The following PCDH15 variants were observed in gnomAD, a reference collection of about 807,000 sequenced individuals.
PCDH15 encodes the protein protocadherin-15.
In PCDH15, 129 loss-of-function variants were observed where a neutral mutation model predicts 178.5. That is an observed-to-expected ratio of 0.72 (90% confidence interval 0.63 to 0.84). The LOEUF is 0.84. Ranked by LOEUF, PCDH15 falls within the 40% of genes least tolerant of loss-of-function variation. The pLI is 0.00. For missense variants in PCDH15, 2,230 were observed against 2,099.9 expected (o/e 1.06, Z -1.21); for synonymous variants, 800 against 732.0 (o/e 1.09, Z -1.50).
At chr10:54,627,854 A>T (rs2134611369) in intron 2 of PCDH15, among the ~76,000 whole-genome samples, 1 of 152,308 alleles carries the variant, frequency 6.6e-6, no homozygotes, top group South Asian at 2.1e-4. Flanking sequence ...CTCACAGGCC[A>T]AGGTTAAGTC....
At chr10:55,187,838 T>C (rs561901432) in intron 1 of PCDH15, among the ~76,000 whole-genome samples, 1 of 152,158 alleles carries the variant, frequency 6.6e-6, no homozygotes, top group South Asian at 2.1e-4. Flanking sequence ...AAAAATATGG[T>C]AATTCCAGAT....
intron 3 of PCDH15, among the ~76,000 whole-genome samples, chr10:54,475,075 A>G (rs1001853694): frequency 3.3e-5 from 5 of 151,904 alleles, no homozygotes; most frequent in Non-Finnish European, 5.9e-5. Flanking sequence ...TAATTGGGCT[A>G]CTTACAACAA....
chr10:54,926,029 T>G (rs932942061), intron 2 of PCDH15, among the ~76,000 whole-genome samples: 1 of 152,150 alleles, frequency 6.6e-6, no homozygotes, highest in Admixed American at 6.6e-5. Flanking sequence ...TTGTGCCAGT[T>G]TTCAAAGAGA....
At chr10:54,387,625 T>A (rs905838380) in intron 3 of PCDH15, among the ~76,000 whole-genome samples, 2 of 152,208 alleles carry the variant, frequency 1.3e-5, no homozygotes, top group African/African-American at 4.8e-5. Context: ...AAACTCACCA[T>A]ATCACCACAT....
At chr10:54,417,814 CTA>C (rs1415439552) in intron 3 of PCDH15, among the ~76,000 whole-genome samples, 1 of 152,124 alleles carries the variant, frequency 6.6e-6, no homozygotes, top group Non-Finnish European at 1.5e-5. Context: ...ATTCACAATG[CTA>C]TGACTGTATT....
intron 2 of PCDH15, among the ~76,000 whole-genome samples, chr10:55,606,324 A>G (rs906956785): frequency 3.1e-5 from 4 of 130,592 alleles, no homozygotes; most frequent in African/African-American, 9.0e-5. Flanking sequence ...ATACTGCCCA[A>G]GGTAATTTAC....
chr10:54,548,107 A>G (rs2086077040), intron 2 of PCDH15, among the ~76,000 whole-genome samples: 1 of 147,424 alleles, frequency 6.8e-6, no homozygotes, highest in Admixed American at 6.8e-5. Context: ...TCTCAAAAAA[A>G]AAAAACCAAA....
At chr10:54,202,900 T>C (rs763053611) in intron 10 of PCDH15, among the ~76,000 whole-genome samples, 12 of 152,034 alleles carry the variant, frequency 7.9e-5, no homozygotes, top group Non-Finnish European at 4.4e-5. Flanking sequence ...GGAATCTCCA[T>C]TTTTATCAAA....
intron 1 of PCDH15, among the ~76,000 whole-genome samples, chr10:55,261,701 C>T (rs866853075): frequency 1.4e-4 from 21 of 152,182 alleles, no homozygotes; most frequent in African/African-American, 5.1e-4. Context: ...TTCAAAAGTT[C>T]AAACAAATTT....
chr10:54,196,184 C>T (rs1305467754), intron 10 of PCDH15, among the ~76,000 whole-genome samples: 5 of 151,988 alleles, frequency 3.3e-5, no homozygotes, highest in African/African-American at 1.2e-4. Flanking sequence ...GCTCTGTCGC[C>T]CAGGCTGGAG....
chr10:53,953,724 A>G (rs1319437923), intron 23 of PCDH15, among the ~76,000 whole-genome samples: 1 of 152,132 alleles, frequency 6.6e-6, no homozygotes, highest in African/African-American at 2.4e-5. Context: ...TTCTTCAATA[A>G]TTTTCAAACT....
chr10:54,572,944 G>C (rs555537768), intron 2 of PCDH15, among the ~76,000 whole-genome samples: 1 of 152,192 alleles, frequency 6.6e-6, no homozygotes, highest in South Asian at 2.1e-4. Flanking sequence ...TTGTATCCTT[G>C]AGGAAATCAC....
chr10:55,107,744 C>G (rs958766678), intron 2 of PCDH15, among the ~76,000 whole-genome samples: 1 of 151,874 alleles, frequency 6.6e-6, no homozygotes. Flanking sequence ...ACCCCCACCC[C>G]CCTCAGCCTC....
chr10:55,082,623 T>C (rs1842071734), intron 2 of PCDH15, among the ~76,000 whole-genome samples: 1 of 143,590 alleles, frequency 7.0e-6, no homozygotes, highest in South Asian at 2.2e-4. Flanking sequence ...AAAAGAAAAG[T>C]TGCTTTTTAA....
chr10:54,559,741 C>T (rs186366490), intron 2 of PCDH15, among the ~76,000 whole-genome samples: 1 of 147,308 alleles, frequency 6.8e-6, no homozygotes, highest in Admixed American at 7.0e-5. Context: ...GAAAACAAAA[C>T]AAGCATGCTT....
chr10:54,624,260 T>C (rs970823878), intron 2 of PCDH15, among the ~76,000 whole-genome samples: 2 of 152,170 alleles, frequency 1.3e-5, no homozygotes, highest in African/African-American at 2.4e-5. Flanking sequence ...ATTTGCAGTT[T>C]ATAGTGCAGG....
intron 3 of PCDH15, among the ~76,000 whole-genome samples, chr10:54,818,480 G>A (rs1219267186): frequency 6.6e-6 from 1 of 151,944 alleles, no homozygotes; most frequent in Non-Finnish European, 1.5e-5. Flanking sequence ...TGAATCCAGA[G>A]GAAGTGACTG....
At chr10:54,239,947 G>T (rs2055061018) in intron 8 of PCDH15, among the ~76,000 whole-genome samples, 1 of 151,966 alleles carries the variant, frequency 6.6e-6, no homozygotes, top group Admixed American at 6.5e-5. Context: ...ATTAATACAT[G>T]ACATTAAAGA....
chr10:54,265,464 A>T (rs1409350424), intron 8 of PCDH15, among the ~76,000 whole-genome samples: 2 of 151,792 alleles, frequency 1.3e-5, no homozygotes, highest in African/African-American at 2.4e-5. Context: ...CACTTAAAAG[A>T]CATAGAGTGG....
Sources: gnomAD v4.1 joint callset for allele counts (sites outside exome capture counted in the v4.1 genomes callset) on GRCh38, gnomAD v4.1.1 for gene constraint, MANE v1.5 for transcripts, NCBI Gene and HGNC (gene_info 2026-07-23, HGNC 2026-07-21) for gene names.